Variants in NEB observed in about 807,000 individuals in gnomAD.
NEB encodes nebulin, also known as nemaline myopathy type 2.
Under a neutral mutation model 952.2 loss-of-function variants are expected in NEB, and 512 were observed. That is an observed-to-expected ratio of 0.54 (90% CI 0.50 to 0.58). The LOEUF is 0.58. Ranked by LOEUF, NEB falls within the 20% of genes least tolerant of loss-of-function variation. The pLI, the probability that NEB is intolerant of heterozygous loss-of-function variation, is 0.00. For missense variants in NEB, 8,428 were observed against 9,231.1 expected (o/e 0.91, Z 3.56); for synonymous variants, 2,900 against 3,149.8 (o/e 0.92, Z 2.66).
intron 141 of NEB, among the ~76,000 whole-genome samples, chr2:151,536,435 T>G (rs953131312): frequency 2.0e-5 from 3 of 152,230 alleles, no homozygotes; most frequent in Non-Finnish European, 4.4e-5. Flanking sequence ...TCATGTGCAC[T>G]TGAAGGTTTT....
At chr2:151,632,915 A>G (rs1350417519) in intron 65 of NEB, among the ~76,000 whole-genome samples, 1 of 152,088 alleles carries the variant, frequency 6.6e-6, no homozygotes, top group East Asian at 1.9e-4. Context: ...CTTTTTGGAA[A>G]GAATTGCAAA....
chr2:151,570,268 C>T lies in NEB; in HGVS notation c.17243G>A (p.Arg5748Gln), dbSNP rs773983252. The change falls in exon 109 of 182, where the codon CGG (arginine) becomes CAG (glutamine). Residue 5748 changes from arginine (R) to glutamine (Q), a missense_variant. This residue lies in a region of NEB where 3,374 missense variants were observed against 3,651.5 expected (regional missense o/e 0.92). Transcript: ENST00000397345. ...GGCCTTCCATTTGGCCCAGTCCAGC[C>T]GGTACTCTCGTTCATTCTGGAGCTT... Reference protein sequence around the residue: ...ADKLQNEREYRLDWAKWKAKI... With the variant: ...ADKLQNEREYQLDWAKWKAKI... 2.6e-5 allele frequency: 42 copies of T among 1,613,626 alleles called. No homozygotes were observed. Among genetic ancestry groups the T allele is most frequent in the Middle Eastern group, 1.6e-4 (1 of 6,082 alleles).
At chr2:151,724,127 C>T (rs2099783653) in intron 8 of NEB, 133 bp downstream of exon 8, 1 of 726,550 alleles carries the variant, frequency 1.4e-6, no homozygotes, top group Non-Finnish European at 2.3e-6. Context: ...CCTGCAGTCT[C>T]ACATGTCTCA....
chr2:151,569,978 A>T, intron 109 of NEB, 103 bp downstream of exon 109: 3 of 1,165,498 alleles, frequency 2.6e-6, no homozygotes, highest in Non-Finnish European at 3.6e-6. Flanking sequence ...ATTCTTGGTG[A>T]TATGAAGTCG....
chr2:151,622,531 T>A (rs1013900455), intron 71 of NEB, among the ~76,000 whole-genome samples: 1 of 152,172 alleles, frequency 6.6e-6, no homozygotes. Context: ...TTTATTAACA[T>A]TTTTGCCATA....
chr2:151,610,751 A>G lies in NEB; in HGVS notation c.11910+11T>C, dbSNP rs776321747. 2 of 1,602,008 alleles carry G rather than the reference A, an allele frequency of 1.2e-6. No individual in the cohort carries two copies. The highest frequency in any genetic ancestry group is 1.7e-6 in the Non-Finnish European group (2 of 1,170,554). On this transcript the variant is annotated intron_variant, in intron 79 of 181. Coordinates refer to ENST00000397345, the MANE Select transcript of NEB (RefSeq NM_001164508.2). ...ATCTTAGGTTTAAGCAACAATCAGG[A>G]AATCTCTTACTTGGCTGATATTGGC... is the stretch of plus-strand genomic sequence containing the variant.
intron 36 of NEB, 91 bp from the exon 37 acceptor site, chr2:151,672,771 G>A (rs776210943): frequency 1.6e-6 from 2 of 1,230,726 alleles, no homozygotes; most frequent in Non-Finnish European, 2.3e-6. Context: ...TCAGAGCTTT[G>A]TGACTTTCTC....
Position 151,568,578 on chromosome 2 carries a change from T to G in NEB, c.17634+40A>C, listed in dbSNP as rs140550265. On this transcript the variant is annotated intron_variant, in intron 111 of 181. Transcript: ENST00000397345. ...AGATGGAAAAGCTTTGGAAGTGATA[T>G]CTGCATCACTGTGAGATTTTAAAAC... is the stretch of plus-strand genomic sequence containing the variant. 2.3e-4 allele frequency: 349 copies of G among 1,499,988 alleles called. 3 individuals carry two copies. In the East Asian group the frequency reaches 6.7e-3, roughly 29 times the overall value. The allele number at this position is 1,499,988 out of a possible 1,614,324, so 92.9% of individuals were successfully genotyped here.
chr2:151,543,500 A>C (rs1351197671), intron 135 of NEB, among the ~76,000 whole-genome samples: 1 of 152,224 alleles, frequency 6.6e-6, no homozygotes, highest in Non-Finnish European at 1.5e-5. Flanking sequence ...TATGGCTAAA[A>C]GGAGCTCAAA....
At chr2:151,684,736 C>A in intron 28 of NEB, 42 bp downstream of exon 28, 1 of 1,474,418 alleles carries the variant, frequency 6.8e-7, no homozygotes, top group Non-Finnish European at 9.1e-7. Context: ...TTTCAGTTTC[C>A]ATCTTTTTAA....
intron 180 of NEB, 111 bp from the exon 181 acceptor site, chr2:151,490,188 A>G: frequency 8.4e-7 from 1 of 1,193,874 alleles, no homozygotes; most frequent in Non-Finnish European, 1.2e-6. Context: ...ATGATTTCCA[A>G]AAAGAGAAAT....
chr2:151,535,830 G>T, intron 141 of NEB, 35 bp from the exon 142 acceptor site: 3 of 1,165,402 alleles, frequency 2.6e-6, no homozygotes, highest in Non-Finnish European at 3.7e-6. Flanking sequence ...TTGACAGCAG[G>T]CTATGATTAT....
In NEB at chr2:151,537,182, C is replaced by A; in HGVS notation, c.21157G>T (p.Asp7053Tyr). 2 of 1,613,216 alleles carry A rather than the reference C, an allele frequency of 1.2e-6. No homozygotes were observed. Among genetic ancestry groups the A allele is most frequent in the Non-Finnish European group, 1.7e-6 (2 of 1,179,476 alleles). Residue 7053 changes from aspartate (D) to tyrosine (Y), a missense_variant, in exon 141 of 182, where the codon GAT becomes TAT. By Grantham distance (160) the Asp-to-Tyr change is radical. This residue lies in a region of NEB where 3,374 missense variants were observed against 3,651.5 expected (regional missense o/e 0.92). Coordinates refer to ENST00000397345, the MANE Select transcript of NEB (RefSeq NM_001164508.2). ...TCAGCCAGAGTGAAATCAGGGGTAT[C>A]ATAGGCATAGCAACCAATGCCTTTA... Reference protein sequence around the residue: ...WLKGIGCYAYDTPDFTLAEKN... With the variant: ...WLKGIGCYAYYTPDFTLAEKN...
At chr2:151,549,238 A>G (rs2095080038) in intron 130 of NEB, among the ~76,000 whole-genome samples, 1 of 152,244 alleles carries the variant, frequency 6.6e-6, no homozygotes, top group Admixed American at 6.5e-5. Flanking sequence ...TATCTTCTGC[A>G]GTGAAACATA....
In NEB at chr2:151,518,937, T is replaced by C. The variant is rs751651573; in HGVS notation, c.22695+28A>G. The stretch of plus-strand genomic sequence containing the variant: ...TTAGTTCCAAATGGGTAAAACAAGC[T>C]GTTTCTGGAGCAAATGACTGAGCTT... On this transcript the variant is annotated intron_variant, in intron 155 of 181. Coordinates refer to ENST00000397345, the MANE Select transcript of NEB (RefSeq NM_001164508.2). The C allele has an allele frequency of 4.0e-6, 6 of 1,510,918 alleles. 1 individual carries two copies. The Admixed American group carries it at 8.4e-5, about 21-fold the overall frequency. 93.6% of individuals were successfully genotyped at this position (1,510,918 alleles called of 1,614,324 possible). A position where few individuals can be genotyped will look rare whatever the true frequency, so the allele number is the denominator to read the frequency against.
chr2:151,592,133 C>A lies in NEB; in HGVS notation c.14727G>T (p.Leu4909Phe). ...KINAVQISEPLYRNAWEKEKA... is the reference protein window; with the variant it reads ...KINAVQISEPFYRNAWEKEKA... ...TCTCTTTCTCCCAGGCATTGCGATA[C>A]AATGGCTGGGAAAAATGAAAAACGA... is the stretch of plus-strand genomic sequence containing the variant. Residue 4909 changes from leucine to phenylalanine, a missense_variant, in exon 95 of 182, where the codon TTG (leucine) becomes TTT (phenylalanine). By Grantham distance (22) the Leu-to-Phe change is conservative. This residue lies in a region of NEB where 13 missense variants were observed against 40.6 expected (regional missense o/e 0.32). Coordinates refer to ENST00000397345, the MANE Select transcript of NEB (RefSeq NM_001164508.2). 6.5e-7 allele frequency: 1 copy of A among 1,549,582 alleles called. No homozygotes were observed. Among genetic ancestry groups the A allele is most frequent in the Non-Finnish European group, 8.7e-7 (1 of 1,146,790 alleles).
intron 107 of NEB, among the ~76,000 whole-genome samples, chr2:151,572,520 T>A (rs1466296008): frequency 6.9e-6 from 1 of 144,924 alleles, no homozygotes; most frequent in African/African-American, 2.5e-5. Context: ...TATATATATA[T>A]AAAATATATA....
intron 157 of NEB, among the ~76,000 whole-genome samples, chr2:151,515,400 A>G (rs777544357): frequency 3.9e-5 from 6 of 152,248 alleles, no homozygotes; most frequent in South Asian, 2.1e-4. Context: ...TTTTTTTAAT[A>G]TGGGGTCTTG....
chr2:151,522,484 A>G (rs2082564253), intron 153 of NEB, among the ~76,000 whole-genome samples: 1 of 152,252 alleles, frequency 6.6e-6, no homozygotes, highest in African/African-American at 2.4e-5. Flanking sequence ...CACATACATT[A>G]GGAGTCCATC....
Sources: allele counts gnomAD v4.1 joint callset (sites outside exome capture counted in the v4.1 genomes callset), GRCh38; gene constraint gnomAD v4.1.1; regional missense constraint gnomAD v4.1.1; transcripts MANE v1.5; gene names NCBI Gene and HGNC (gene_info 2026-07-23, HGNC 2026-07-21).